RELL1: variants seen among roughly 807,000 people sequenced by gnomAD.
RELL1 encodes the protein RELT like 1.
A neutral mutation model predicts 23.0 loss-of-function variants in RELL1; 10 were observed. The ratio of observed to expected loss-of-function variants is 0.43; its 90% CI spans 0.27 to 0.74. RELL1 has a LOEUF of 0.74. Among genes scored for constraint, RELL1 ranks in the 30% least tolerant of loss-of-function variants. The pLI is 0.19. For missense variants in RELL1, 315 were observed against 364.4 expected (o/e 0.86, Z 1.10); for synonymous variants, 146 against 146.8 (o/e 0.99, Z 0.04).
intron 1 of RELL1, among the ~76,000 whole-genome samples, chr4:37,679,798 T>C (rs1202751435): frequency 6.6e-6 from 1 of 151,816 alleles, no homozygotes; most frequent in East Asian, 1.9e-4. Context: ...CTACTAAAAA[T>C]ACAAAAATTA....
At chr4:37,603,285 A>G (rs1719065409) in intron 6 of RELL1, among the ~76,000 whole-genome samples, 1 of 152,116 alleles carries the variant, frequency 6.6e-6, no homozygotes. Flanking sequence ...ACGCCACAAA[A>G]TGCCCAAGAC....
intron 6 of RELL1, among the ~76,000 whole-genome samples, chr4:37,598,284 A>AAG (rs869260737): frequency 0.022 from 2,534 of 117,028 alleles, 337 homozygotes; most frequent in African/African-American, 0.065. Context: ...AAAAAAAAAA[A>AAG]GTTTATAGGA....
chr4:37,604,888 GACACACACACAGACACAC>G lies in RELL1; in HGVS notation c.*4-13689_*4-13672del, dbSNP rs1719139095. Among the ~76,000 whole-genome samples the G allele has an allele frequency of 1.6e-4, 10 of 63,442 alleles. 1 individual carries two copies. The highest frequency in any genetic ancestry group is 6.0e-4 in the African/African-American group (8 of 13,230). 41.6% of individuals were successfully genotyped at this position (63,442 alleles called of 152,430 possible). ...ACAGACACACACACACATACACACA[GACACACACACAGACACAC>G]ACACACACACACAGACACACACACA... On this transcript the variant is annotated intron_variant, in intron 6 of 6. Coordinates refer to the RELL1 transcript ENST00000314117.
At chr4:37,590,667 G>A, downstream of RELL1, 2 of 1,614,078 alleles carry the variant, frequency 1.2e-6, no homozygotes, top group Non-Finnish European at 1.7e-6. Context: ...ATAATGAAAA[G>A]GACTGTGTTT....
At chr4:37,670,977 T>C (rs1721816067) in intron 1 of RELL1, among the ~76,000 whole-genome samples, 1 of 152,248 alleles carries the variant, frequency 6.6e-6, no homozygotes, top group South Asian at 2.1e-4. Flanking sequence ...ATATTATGAG[T>C]TGGTTTTTCC....
intron 1 of RELL1, among the ~76,000 whole-genome samples, chr4:37,677,932 A>G (rs1295940427): frequency 6.6e-6 from 1 of 152,206 alleles, no homozygotes; most frequent in Non-Finnish European, 1.5e-5. Flanking sequence ...AGATCACACC[A>G]TTGCACTCCA....
In RELL1 at chr4:37,646,207, G is replaced by A. The variant is rs564552184; in HGVS notation, c.385+1161C>T. Among the ~76,000 whole-genome samples the A allele has an allele frequency of 3.9e-5, 6 of 152,336 alleles. No individual in the cohort carries two copies. In the South Asian group the frequency reaches 1.2e-3, roughly 32 times the overall value. Reference sequence around the variant, plus strand: ...TCCCACACACCTCAAATATCACTGAGGGCATGGTGTGCTATGGAGGGAATA... The same window carrying A: ...TCCCACACACCTCAAATATCACTGAAGGCATGGTGTGCTATGGAGGGAATA... On this transcript the variant is annotated intron_variant, in intron 3 of 6. Coordinates refer to ENST00000454158, the MANE Select transcript of RELL1 (RefSeq NM_001085400.2).
chr4:37,625,713 T>C (rs1719914120), intron 6 of RELL1, among the ~76,000 whole-genome samples: 1 of 152,148 alleles, frequency 6.6e-6, no homozygotes, highest in African/African-American at 2.4e-5. Context: ...CTACAGTTAA[T>C]AACAATGTAT....
downstream of RELL1, among the ~76,000 whole-genome samples, chr4:37,605,889 G>C (rs1213384681): frequency 7.8e-6 from 1 of 128,798 alleles, no homozygotes; most frequent in African/African-American, 2.6e-5. Context: ...AGGAAAGAAA[G>C]AGAAAGAAAG....
chr4:37,650,166 G>C (rs1420411729), intron 1 of RELL1, among the ~76,000 whole-genome samples: 1 of 152,200 alleles, frequency 6.6e-6, no homozygotes, highest in African/African-American at 2.4e-5. Flanking sequence ...TTGTGATGCA[G>C]GTTCATCACA....
At chr4:37,647,326 A>C in intron 3 of RELL1, 42 bp downstream of exon 3, 1 of 1,394,014 alleles carries the variant, frequency 7.2e-7, no homozygotes, top group Non-Finnish European at 1.0e-6. Flanking sequence ...TTAATAAAGG[A>C]TAGGAATACT....
At chr4:37,587,917 C>A (rs570179030), downstream of RELL1, among the ~76,000 whole-genome samples, 2 of 151,768 alleles carry the variant, frequency 1.3e-5, no homozygotes, top group Non-Finnish European at 1.5e-5. Flanking sequence ...TGCAGTGAGC[C>A]GAGATTGCGC....
chr4:37,602,755 T>C (rs1719049299), intron 6 of RELL1, among the ~76,000 whole-genome samples: 1 of 152,188 alleles, frequency 6.6e-6, no homozygotes, highest in Admixed American at 6.5e-5. Flanking sequence ...ATAAGATACC[T>C]TTCTCAATGT....
At chr4:37,636,291 C>G (rs1395195706) in intron 4 of RELL1, among the ~76,000 whole-genome samples, 2 of 152,024 alleles carry the variant, frequency 1.3e-5, no homozygotes, top group African/African-American at 4.8e-5. Context: ...CTAGACCATC[C>G]AAAATATAAA....
intron 1 of RELL1, among the ~76,000 whole-genome samples, chr4:37,662,524 T>G (rs969988549): frequency 1.3e-5 from 2 of 151,538 alleles, no homozygotes; most frequent in African/African-American, 4.9e-5. Context: ...AACCCCGGGT[T>G]GCTACCAGAA....
Position 37,634,934 on chromosome 4 carries a change from C to G in RELL1, c.633G>C (p.Glu211Asp). The G allele has an allele frequency of 6.2e-7, 1 of 1,614,260 alleles. No individual in the cohort carries two copies. The highest frequency in any genetic ancestry group is 8.5e-7 in the Non-Finnish European group (1 of 1,180,056). The change falls in exon 5 of 7, where the codon GAG becomes GAC. Residue 211 changes from glutamate to aspartate, a missense_variant. Transcript: ENST00000454158. The part of the protein sequence containing the change: ...HFIKPTNKSR[E>D]SRPRRQGEVT... Reference sequence around the variant, plus strand: ...CCTCGCCTTGGCGCCGTGGTCTGCTCTCTCTGGACTTGTTAGTGGGCTTTA... The same window carrying G: ...CCTCGCCTTGGCGCCGTGGTCTGCTGTCTCTGGACTTGTTAGTGGGCTTTA...
chr4:37,665,334 C>T, intron 1 of RELL1: 1 of 456,128 alleles, frequency 2.2e-6, no homozygotes, highest in Non-Finnish European at 4.4e-6. Context: ...GTAAATATAC[C>T]AGCATGCTCC....
At chr4:37,623,520 A>T (rs1231254704) in intron 6 of RELL1, 2 of 152,260 alleles carry the variant, frequency 1.3e-5, no homozygotes, top group Non-Finnish European at 2.9e-5. Flanking sequence ...CTTCATCTGT[A>T]AAATAGGATA....
chr4:37,667,265 G>T (rs749138171), intron 1 of RELL1, among the ~76,000 whole-genome samples: 6 of 151,780 alleles, frequency 4.0e-5, no homozygotes, highest in Non-Finnish European at 8.8e-5. Context: ...TGTATAATGT[G>T]TACAGTTACT....
Sources: allele counts gnomAD v4.1 joint callset (sites outside exome capture counted in the v4.1 genomes callset), GRCh38; gene constraint gnomAD v4.1.1; transcripts MANE v1.5; gene names NCBI Gene and HGNC (gene_info 2026-07-23, HGNC 2026-07-21).